Variants in SNTG1 observed in about 807,000 individuals in gnomAD.
SNTG1 encodes the protein syntrophin gamma 1.
A neutral mutation model predicts 74.7 loss-of-function variants in SNTG1; 39 were observed. The ratio of observed to expected loss-of-function variants is 0.52; its 90% CI spans 0.40 to 0.68. The LOEUF is 0.68. Among genes scored for constraint, SNTG1 ranks in the 30% least tolerant of loss-of-function variants. The probability of loss-of-function intolerance (pLI) is 0.00; values close to 1 mark genes in which losing one functional copy is unlikely to be tolerated. For synonymous variants in SNTG1, 254 were observed against 217.1 expected (o/e 1.17, Z -1.49); for missense variants, 685 against 609.5 (o/e 1.12, Z -1.30).
intron 2 of SNTG1, among the ~76,000 whole-genome samples, chr8:50,330,860 G>A (rs1191205435): frequency 6.6e-6 from 1 of 152,092 alleles, no homozygotes; most frequent in African/African-American, 2.4e-5. Context: ...ACTATCACAA[G>A]AACAGAATAG....
chr8:50,162,397 C>T (rs2082449369), intron 1 of SNTG1, among the ~76,000 whole-genome samples: 1 of 151,732 alleles, frequency 6.6e-6, no homozygotes, highest in African/African-American at 2.4e-5. Context: ...CCCGTCTCTA[C>T]TAAAAATACA....
chr8:49,970,808 T>G (rs954813271), intron 1 of SNTG1, among the ~76,000 whole-genome samples: 8 of 152,174 alleles, frequency 5.3e-5, no homozygotes, highest in Admixed American at 2.6e-4. Context: ...TAGGGAATGA[T>G]GCCAGATCTA....
intron 2 of SNTG1, among the ~76,000 whole-genome samples, chr8:50,325,021 CACAGAT>C: frequency 7.0e-6 from 1 of 143,674 alleles, no homozygotes; most frequent in African/African-American, 2.5e-5. Flanking sequence ...CACACACAGA[CACAGAT>C]AGATCAATAG....
chr8:50,299,399 A>G (rs1169729013), intron 2 of SNTG1, among the ~76,000 whole-genome samples: 1 of 152,118 alleles, frequency 6.6e-6, no homozygotes, highest in Non-Finnish European at 1.5e-5. Context: ...GGGGAAAAAG[A>G]CATCATATAT....
At chr8:50,355,123 C>G (rs1358378026) in intron 2 of SNTG1, among the ~76,000 whole-genome samples, 1 of 152,128 alleles carries the variant, frequency 6.6e-6, no homozygotes, top group Admixed American at 6.5e-5. Flanking sequence ...CACTCCTACA[C>G]TATTTCCTTA....
At chr8:49,927,938 A>C (rs1045494326) in intron 1 of SNTG1, among the ~76,000 whole-genome samples, 1 of 151,766 alleles carries the variant, frequency 6.6e-6, no homozygotes. Context: ...AACATAGTAA[A>C]ACCCCTTGAC....
intron 18 of SNTG1, among the ~76,000 whole-genome samples, chr8:50,790,069 T>C (rs566433959): frequency 1.3e-5 from 2 of 152,102 alleles, no homozygotes; most frequent in East Asian, 3.9e-4. Flanking sequence ...AAGTTCCATA[T>C]ACAAGGCAAC....
Position 50,493,628 on chromosome 8 carries a change from G to A in SNTG1, c.364-9150G>A, listed in dbSNP as rs1030824225. 1.6e-4 allele frequency among the ~76,000 whole-genome samples: 25 copies of A among 151,976 alleles called. 1 individual carries two copies. Among genetic ancestry groups the A allele is most frequent in the Middle Eastern group, 3.5e-3 (1 of 288 alleles). ...GTAACTATGTTTTTATAAATCTACT[G>A]TACAAATTATACAGAGTTTAAGATT... On this transcript the variant is annotated intron_variant, in intron 8 of 18. Coordinates refer to ENST00000642720, the MANE Select transcript of SNTG1 (RefSeq NM_018967.5).
At chr8:50,190,589 C>T (rs2083536141) in intron 2 of SNTG1, among the ~76,000 whole-genome samples, 1 of 152,148 alleles carries the variant, frequency 6.6e-6, no homozygotes, top group Admixed American at 6.6e-5. Context: ...TTCTTTTCTA[C>T]TTGAATACCT....
intron 12 of SNTG1, among the ~76,000 whole-genome samples, chr8:50,581,607 A>G (rs936303190): frequency 3.3e-5 from 5 of 152,230 alleles, no homozygotes; most frequent in Admixed American, 3.3e-4. Context: ...AAAAAAAATT[A>G]GAGATTAGTA....
chr8:50,745,074 T>A (rs1467547669), intron 17 of SNTG1, among the ~76,000 whole-genome samples: 2 of 152,004 alleles, frequency 1.3e-5, no homozygotes, highest in African/African-American at 4.8e-5. Context: ...AGCGAATGAC[T>A]TTTGTACATC....
At chr8:50,702,128 T>C (rs1016197592) in intron 15 of SNTG1, among the ~76,000 whole-genome samples, 1 of 152,034 alleles carries the variant, frequency 6.6e-6, no homozygotes, top group Non-Finnish European at 1.5e-5. Context: ...CTGGGATTAC[T>C]GACATGAGCC....
intron 9 of SNTG1, among the ~76,000 whole-genome samples, chr8:50,514,943 A>G (rs762546515): frequency 6.6e-6 from 1 of 152,146 alleles, no homozygotes; most frequent in Non-Finnish European, 1.5e-5. Flanking sequence ...TTATATCTTC[A>G]TGGTGAATTG....
intron 1 of SNTG1, among the ~76,000 whole-genome samples, chr8:50,114,030 T>G (rs2080715911): frequency 6.6e-6 from 1 of 152,272 alleles, no homozygotes; most frequent in South Asian, 2.1e-4. Flanking sequence ...CAAGATTATG[T>G]GATCTTTACT....
intron 18 of SNTG1, among the ~76,000 whole-genome samples, chr8:50,768,129 TCTC>T (rs1488251995): frequency 6.6e-6 from 1 of 151,812 alleles, no homozygotes; most frequent in Non-Finnish European, 1.5e-5. Context: ...TCCCCAAACA[TCTC>T]CTTGCCCCAA....
intron 12 of SNTG1, among the ~76,000 whole-genome samples, chr8:50,571,642 T>A (rs2094549568): frequency 6.6e-6 from 1 of 152,124 alleles, no homozygotes; most frequent in South Asian, 2.1e-4. Flanking sequence ...TCTTCCCTAA[T>A]CAATTGTTAA....
At chr8:50,532,121 C>A (rs576677707) in intron 10 of SNTG1, among the ~76,000 whole-genome samples, 27 of 152,282 alleles carry the variant, frequency 1.8e-4, no homozygotes, top group Admixed American at 3.9e-4. Context: ...TTTCCAGAGG[C>A]ACATTTTATT....
chr8:50,512,522 A>AT (rs1170280455), intron 9 of SNTG1, among the ~76,000 whole-genome samples: 1 of 152,050 alleles, frequency 6.6e-6, no homozygotes, highest in Non-Finnish European at 1.5e-5. Context: ...TTCCAACTTG[A>AT]TTCCATTCTC....
intron 18 of SNTG1, among the ~76,000 whole-genome samples, chr8:50,757,889 T>G (rs370620178): frequency 6.6e-6 from 1 of 152,052 alleles, no homozygotes; most frequent in African/African-American, 2.4e-5. Context: ...AAAATATGTT[T>G]ACAACTAAAC....
Sources: gnomAD v4.1 joint callset for allele counts (sites outside exome capture counted in the v4.1 genomes callset) on GRCh38, gnomAD v4.1.1 for gene constraint, MANE v1.5 for transcripts, NCBI Gene and HGNC (gene_info 2026-07-23, HGNC 2026-07-21) for gene names.